TRERF1: variants seen among roughly 807,000 people sequenced by gnomAD.
The protein encoded by TRERF1 is transcriptional regulating factor 1.
A neutral mutation model predicts 122.9 loss-of-function variants in TRERF1; 27 were observed. The ratio of observed to expected loss-of-function variants is 0.22; its 90% CI spans 0.16 to 0.30. TRERF1 has a LOEUF of 0.30. TRERF1 is among the 10% of genes least tolerant of loss of function. The pLI, the probability that TRERF1 is intolerant of heterozygous loss-of-function variation, is 1.00. For missense variants in TRERF1, 1,248 were observed against 1,560.3 expected (o/e 0.80, Z 3.37); for synonymous variants, 636 against 641.7 (o/e 0.99, Z 0.13).
intron 13 of TRERF1, among the ~76,000 whole-genome samples, chr6:42,254,143 G>T (rs1003867059): frequency 2.0e-5 from 3 of 152,072 alleles, no homozygotes; most frequent in African/African-American, 7.2e-5. Flanking sequence ...CCCTCTTATT[G>T]TGGTATTGTC....
intron 2 of TRERF1, among the ~76,000 whole-genome samples, chr6:42,377,873 G>A (rs752200589): frequency 2.0e-4 from 31 of 152,230 alleles, no homozygotes; most frequent in Non-Finnish European, 2.5e-4. Flanking sequence ...GGCAAGGGCA[G>A]CACTGGCTTT....
intron 2 of TRERF1, among the ~76,000 whole-genome samples, chr6:42,383,794 C>T (rs752427322): frequency 2.0e-5 from 3 of 152,236 alleles, no homozygotes; most frequent in South Asian, 2.1e-4. Context: ...AGACCAACAA[C>T]TCAACAGAAA....
chr6:42,299,726 G>C (rs1434924406), intron 4 of TRERF1, among the ~76,000 whole-genome samples: 2 of 152,146 alleles, frequency 1.3e-5, no homozygotes, highest in Non-Finnish European at 2.9e-5. Context: ...TGTAAAAAAG[G>C]AGCCCACGGA....
chr6:42,251,692 C>G (rs188792238), intron 13 of TRERF1, among the ~76,000 whole-genome samples: 1 of 152,260 alleles, frequency 6.6e-6, no homozygotes, highest in East Asian at 1.9e-4. Flanking sequence ...GTACGTAATT[C>G]TGTCTCCTCA....
intron 17 of TRERF1, among the ~76,000 whole-genome samples, chr6:42,229,231 G>A (rs1770038890): frequency 1.3e-5 from 2 of 152,118 alleles, no homozygotes; most frequent in East Asian, 3.9e-4. Flanking sequence ...TTGAACTCCT[G>A]GGCTCAAGTG....
chr6:42,419,538 C>G (rs893924485), intron 2 of TRERF1, among the ~76,000 whole-genome samples: 2 of 152,104 alleles, frequency 1.3e-5, no homozygotes, highest in Non-Finnish European at 2.9e-5. Context: ...AGAACCTCAG[C>G]ACCTTACTAT....
chr6:42,435,897 T>C (rs906431775), intron 2 of TRERF1, among the ~76,000 whole-genome samples: 8 of 150,654 alleles, frequency 5.3e-5, no homozygotes, highest in African/African-American at 2.0e-4. Context: ...GGAGAATCAT[T>C]TGAACCCAGG....
intron 2 of TRERF1, among the ~76,000 whole-genome samples, chr6:42,375,276 C>T (rs571077511): frequency 7.9e-5 from 12 of 152,112 alleles, no homozygotes; most frequent in African/African-American, 1.2e-4. Context: ...GATGCAAGCC[C>T]GAAATCCAAG....
At chr6:42,233,999 T>C (rs1192808316) in intron 16 of TRERF1, among the ~76,000 whole-genome samples, 1 of 152,182 alleles carries the variant, frequency 6.6e-6, no homozygotes, top group Non-Finnish European at 1.5e-5. Context: ...TCAGCACTAC[T>C]ATCATTTTGG....
At chr6:42,288,238 A>T (rs369043266) in intron 4 of TRERF1, among the ~76,000 whole-genome samples, 2 of 151,966 alleles carry the variant, frequency 1.3e-5, no homozygotes, top group Non-Finnish European at 2.9e-5. Context: ...TCAGCCAGAG[A>T]CAAGTATAAT....
intron 3 of TRERF1, among the ~76,000 whole-genome samples, chr6:42,354,744 T>A (rs1431754128): frequency 1.3e-5 from 2 of 152,208 alleles, no homozygotes; most frequent in Non-Finnish European, 2.9e-5. Context: ...GTATTTTAAT[T>A]ACAAAGACTT....
intron 2 of TRERF1, among the ~76,000 whole-genome samples, chr6:42,408,203 A>G (rs1275076084): frequency 2.7e-5 from 2 of 73,458 alleles, no homozygotes; most frequent in Non-Finnish European, 5.9e-5. Flanking sequence ...ACTTCGCTAT[A>G]TAAATAAATA....
rs36097579 is a variant in TRERF1, at chr6:42,276,389, A to C, written c.-258-6541T>G. ...GATTTTCCTTTTTCTGACCCCGGGC[A>C]GTCAGTTAGAGACTGTATACACAAT... On this transcript the variant is annotated intron_variant, in intron 4 of 17. Transcript: ENST00000372922. This position sits in a 1 kb window ranked among gnomAD's most constrained non-coding sequence, Gnocchi z 4.3. Among the ~76,000 whole-genome samples the C allele has an allele frequency of 0.2, 30,834 of 152,172 alleles. 5,060 individuals are homozygous for C. The highest frequency in any genetic ancestry group is 0.46 in the African/African-American group (19,035 of 41,466).
At chr6:42,360,138 A>G (rs904654808) in intron 3 of TRERF1, among the ~76,000 whole-genome samples, 1 of 152,270 alleles carries the variant, frequency 6.6e-6, no homozygotes, top group Non-Finnish European at 1.5e-5. Flanking sequence ...ACACTAATAA[A>G]GGTAACATTT....
chr6:42,237,107 A>G (rs925024057), intron 15 of TRERF1, among the ~76,000 whole-genome samples: 3 of 152,242 alleles, frequency 2.0e-5, no homozygotes, highest in Non-Finnish European at 2.9e-5. Context: ...TTCTCCTACC[A>G]GAGGCATTTA....
At chr6:42,278,088 A>T (rs1006620096) in intron 4 of TRERF1, among the ~76,000 whole-genome samples, 3 of 152,154 alleles carry the variant, frequency 2.0e-5, no homozygotes, top group African/African-American at 7.2e-5. Flanking sequence ...CATCCAGATA[A>T]TTGAAGCGAA....
At chr6:42,334,045 A>T (rs1345849738) in intron 3 of TRERF1, among the ~76,000 whole-genome samples, 1 of 152,146 alleles carries the variant, frequency 6.6e-6, no homozygotes, top group Non-Finnish European at 1.5e-5. Flanking sequence ...ACATATATGT[A>T]TATGTATATG....
chr6:42,359,145 G>A (rs930809582), intron 3 of TRERF1, among the ~76,000 whole-genome samples: 19 of 152,246 alleles, frequency 1.2e-4, no homozygotes, highest in African/African-American at 2.9e-4. Flanking sequence ...AGTGCTCTCC[G>A]CACCGTTAAT....
intron 2 of TRERF1, among the ~76,000 whole-genome samples, chr6:42,425,050 G>T (rs936431401): frequency 3.3e-5 from 5 of 152,124 alleles, no homozygotes; most frequent in Non-Finnish European, 1.5e-5. Flanking sequence ...GTGACTCAGG[G>T]TCTGACCTCC....
Sources: gnomAD v4.1 joint callset for allele counts (sites outside exome capture counted in the v4.1 genomes callset) on GRCh38, gnomAD v4.1.1 for gene constraint, Gnocchi (gnomAD v3.1) non-coding constraint, MANE v1.5 for transcripts, NCBI Gene and HGNC (gene_info 2026-07-23, HGNC 2026-07-21) for gene names.